Variants in MAST4 observed in about 807,000 individuals in gnomAD.
MAST4 encodes microtubule-associated serine/threonine-protein kinase 4.
MAST4 carries 89 observed loss-of-function variants against 162.7 expected under a neutral mutation model. The observed-to-expected ratio is 0.55, with a 90% confidence interval of 0.46 to 0.65. The LOEUF is 0.65. Ranked by LOEUF, MAST4 falls within the 30% of genes least tolerant of loss-of-function variation. The pLI is 0.00. For missense variants in MAST4, 3,153 were observed against 3,374.0 expected, an observed-to-expected ratio of 0.93 and a Z score of 1.62; for synonymous variants, 1,479 against 1,361.1, an observed-to-expected ratio of 1.09 and a Z score of -1.91.
At position 66,921,787 on chromosome 5, in the gene MAST4, T is replaced by G. The variant is rs192823199; in HGVS notation, c.674+21805T>G. On this transcript the variant is annotated intron_variant, in intron 4 of 28. Coordinates refer to ENST00000403625, the MANE Select transcript of MAST4 (RefSeq NM_001164664.2). ...GAAAAATATGAATCAAGATCAATGT[T>G]TTGCATGCATTAATTATCAATGTAA... Among the ~76,000 whole-genome samples the G allele has an allele frequency of 4.6e-3, 696 of 152,208 alleles. 8 individuals carry two copies. The highest frequency in any genetic ancestry group is 4.1e-3 in the Non-Finnish European group (277 of 68,002).
chr5:66,851,751 T>A (rs1188473828), intron 3 of MAST4, among the ~76,000 whole-genome samples: 1 of 152,242 alleles, frequency 6.6e-6, no homozygotes, highest in Admixed American at 6.5e-5. Flanking sequence ...TGGTGCAGAC[T>A]TCCTCCTGAA....
chr5:66,993,920 A>ACCCC (rs55759396), intron 4 of MAST4, among the ~76,000 whole-genome samples: 48 of 57,696 alleles, frequency 8.3e-4, no homozygotes, highest in Non-Finnish European at 1.1e-3. Flanking sequence ...TGTGCAGAAG[A>ACCCC]CCCCCCCCCC....
At chr5:67,040,499 A>G (rs1201794140) in intron 4 of MAST4, among the ~76,000 whole-genome samples, 1 of 152,198 alleles carries the variant, frequency 6.6e-6, no homozygotes, top group Non-Finnish European at 1.5e-5. Context: ...AAATCTGTAC[A>G]CAAGTGTATC....
intron 1 of MAST4, among the ~76,000 whole-genome samples, chr5:66,731,220 A>G (rs16895558): frequency 0.046 from 6,869 of 149,868 alleles, 243 homozygotes; most frequent in South Asian, 0.13. Flanking sequence ...GCTTTATGAT[A>G]AAGTAGCATT....
chr5:67,068,661 T>C (rs1445710221), intron 5 of MAST4, among the ~76,000 whole-genome samples: 7 of 152,018 alleles, frequency 4.6e-5, no homozygotes, highest in Non-Finnish European at 1.0e-4. Flanking sequence ...GGTGGTGGGG[T>C]GGGAAGAAAC....
chr5:66,808,558 A>T (rs1580502468), intron 3 of MAST4, among the ~76,000 whole-genome samples: 1 of 152,108 alleles, frequency 6.6e-6, no homozygotes, highest in Non-Finnish European at 1.5e-5. Context: ...TTGTTAACCT[A>T]CCTGTTCTCC....
At position 66,596,837 on chromosome 5, in the gene MAST4, A is replaced by G. The variant is rs1411125965; in HGVS notation, c.182A>G (p.His61Arg). ...EGEPGGFSRE[H>R]QPPPPPPLGG... Reference sequence around the variant, plus strand: ...GAGCCCGGCGGCTTCTCCAGAGAGCATCAGCCGCCGCCGCCGCCGCCGTTG... The same window carrying G: ...GAGCCCGGCGGCTTCTCCAGAGAGCGTCAGCCGCCGCCGCCGCCGCCGTTG... The change falls in exon 1 of 29, where the codon CAT (histidine) becomes CGT (arginine). Residue 61 changes from histidine to arginine, a missense_variant. By Grantham distance (29) the His-to-Arg change is conservative. This residue lies in a region of MAST4 where 327 missense variants were observed against 336.5 expected (regional missense o/e 0.97). Transcript: ENST00000403625. The G allele has an allele frequency of 3.3e-5, 43 of 1,300,046 alleles. No individual in the cohort carries two copies. Among genetic ancestry groups the G allele is most frequent in the Non-Finnish European group, 4.2e-5 (43 of 1,024,248 alleles). The allele number at this position is 1,300,046 out of a possible 1,614,324, so 80.5% of individuals were successfully genotyped here.
intron 3 of MAST4, among the ~76,000 whole-genome samples, chr5:66,823,796 G>A (rs1399692198): frequency 6.6e-6 from 1 of 152,046 alleles, no homozygotes; most frequent in African/African-American, 2.4e-5. Context: ...TGCCCGGCCG[G>A]CCATTGTTAT....
chr5:67,013,009 G>A (rs1368242093), intron 4 of MAST4, among the ~76,000 whole-genome samples: 2 of 152,174 alleles, frequency 1.3e-5, no homozygotes, highest in Admixed American at 1.3e-4. Flanking sequence ...AGTCATTACT[G>A]TATATCTCTT....
intron 26 of MAST4, among the ~76,000 whole-genome samples, chr5:67,155,164 A>T (rs1772332258): frequency 1.3e-5 from 2 of 152,246 alleles, no homozygotes; most frequent in South Asian, 4.1e-4. Flanking sequence ...ATAGATTCAC[A>T]TATTTGGTCT....
intron 1 of MAST4, among the ~76,000 whole-genome samples, chr5:66,617,516 A>G (rs1743775565): frequency 6.6e-6 from 1 of 151,918 alleles, no homozygotes; most frequent in Non-Finnish European, 1.5e-5. Flanking sequence ...GAATGGACGT[A>G]TCAATTTATT....
intron 12 of MAST4, among the ~76,000 whole-genome samples, chr5:67,117,773 AG>A (rs1270239358): frequency 6.9e-6 from 1 of 145,386 alleles, no homozygotes; most frequent in African/African-American, 2.8e-5. Flanking sequence ...AGTATAAAAA[AG>A]AAAATGAACA....
At chr5:67,001,940 T>C (rs1456170181) in intron 4 of MAST4, 1 of 152,226 alleles carries the variant, frequency 6.6e-6, no homozygotes, top group Non-Finnish European at 1.5e-5. Context: ...TTCTCTACTT[T>C]CCACAGAGTT....
At chr5:67,047,456 A>G (rs1581332833) in intron 4 of MAST4, among the ~76,000 whole-genome samples, 1 of 152,110 alleles carries the variant, frequency 6.6e-6, no homozygotes, top group Non-Finnish European at 1.5e-5. Context: ...TTCTGGTCTT[A>G]TCCTCTCTCA....
chr5:66,668,778 T>A (rs2149470275), intron 1 of MAST4, among the ~76,000 whole-genome samples: 1 of 152,364 alleles, frequency 6.6e-6, no homozygotes, highest in East Asian at 1.9e-4. Context: ...TCCATGTTTG[T>A]GAAATATGAT....
chr5:66,851,335 G>A (rs1580652466), intron 3 of MAST4, among the ~76,000 whole-genome samples: 1 of 152,186 alleles, frequency 6.6e-6, no homozygotes, highest in Non-Finnish European at 1.5e-5. Flanking sequence ...GTTGGGTAGA[G>A]CATCTCCTTA....
chr5:66,856,677 CTTATATCTGATTTTGA>C (rs1220993763), intron 3 of MAST4, among the ~76,000 whole-genome samples: 1 of 152,140 alleles, frequency 6.6e-6, no homozygotes, highest in African/African-American at 2.4e-5. Context: ...TCTGATTTTG[CTTATATCTGATTTTGA>C]GTCAAATACT....
chr5:66,596,729 C>A lies in MAST4; in HGVS notation c.74C>A (p.Ala25Asp). 1 of 1,421,312 alleles carries A rather than the reference C, an allele frequency of 7.0e-7. No individual in the cohort carries two copies. Among genetic ancestry groups the A allele is most frequent in the Non-Finnish European group, 9.2e-7 (1 of 1,087,768 alleles). The allele number at this position is 1,421,312 out of a possible 1,614,324, so 88.0% of individuals were successfully genotyped here. Residue 25 changes from alanine (A) to aspartate (D), a missense_variant, in exon 1 of 29, where the codon GCC becomes GAC. Transcript: ENST00000403625. ...AGTGGCCACGGCAGCCGGACTCCAG[C>A]CTCTGCGCTGGTCGCCGCGTCCTCT... ...GCSGHGSRTPASALVAASSPG... is the reference protein window; with the variant it reads ...GCSGHGSRTPDSALVAASSPG...
At chr5:67,056,321 AGT>A (rs893262620) in intron 5 of MAST4, among the ~76,000 whole-genome samples, 14 of 152,168 alleles carry the variant, frequency 9.2e-5, no homozygotes, top group African/African-American at 3.4e-4. Flanking sequence ...AGGGTCAAAC[AGT>A]GCCAGATACC....
Sources: gnomAD v4.1 joint callset for allele counts (sites outside exome capture counted in the v4.1 genomes callset) on GRCh38, gnomAD v4.1.1 for gene constraint, gnomAD v4.1.1 regional missense constraint, MANE v1.5 for transcripts, NCBI Gene and HGNC (gene_info 2026-07-23, HGNC 2026-07-21) for gene names.